The following CCBE1 variants were observed in gnomAD, a reference collection of about 807,000 sequenced individuals.
The protein encoded by CCBE1 is collagen and calcium-binding EGF domain-containing protein 1.
CCBE1 carries 37 observed loss-of-function variants against 50.0 expected under a neutral mutation model. The ratio of observed to expected loss-of-function variants is 0.74; its 90% CI spans 0.57 to 0.97. The LOEUF (loss-of-function observed/expected upper bound fraction) is 0.97. CCBE1 is among the 50% of genes least tolerant of loss of function. The pLI is 0.00. For missense variants in CCBE1, 538 were observed against 523.8 expected (o/e 1.03, Z -0.26); for synonymous variants, 234 against 203.7 (o/e 1.15, Z -1.27).
chr18:59,676,703 C>T (rs117727607), intron 2 of CCBE1, among the ~76,000 whole-genome samples: 1 of 152,160 alleles, frequency 6.6e-6, no homozygotes, highest in African/African-American at 2.4e-5. Context: ...AAAGTACAAG[C>T]AATTTTAAGT....
At chr18:59,666,275 C>T (rs1477541081) in intron 2 of CCBE1, 1 of 152,146 alleles carries the variant, frequency 6.6e-6, no homozygotes, top group Non-Finnish European at 1.5e-5. Flanking sequence ...CAATTACCTC[C>T]CACCAGATTC....
chr18:59,431,386 T>C lies in CCBE1; in HGVS notation c.*4522A>G, dbSNP rs182963415. The C allele has an allele frequency of 6.6e-6, 1 of 152,340 alleles. No homozygotes were observed. The highest frequency in any genetic ancestry group is 1.9e-4 in the East Asian group (1 of 5,196). The allele number at this position is 152,340 out of a possible 1,614,324, so 9.4% of individuals were successfully genotyped here. A position where few individuals can be genotyped will look rare whatever the true frequency, so the allele number is the denominator to read the frequency against. ...TAACTTTAGATGGCTCTATTCTACT[T>C]GTTGTTTGGCCTGGATTCCTCCAAT... On this transcript the variant is annotated 3_prime_UTR_variant, in exon 11 of 11. Coordinates refer to ENST00000439986, the MANE Select transcript of CCBE1 (RefSeq NM_133459.4).
At chr18:59,583,964 A>C (rs950230899) in intron 2 of CCBE1, among the ~76,000 whole-genome samples, 2 of 152,132 alleles carry the variant, frequency 1.3e-5, no homozygotes, top group Non-Finnish European at 2.9e-5. Context: ...GATCTAGAAC[A>C]AGAAATACCA....
chr18:59,479,858 G>A (rs1047007966), intron 3 of CCBE1, among the ~76,000 whole-genome samples: 1 of 152,230 alleles, frequency 6.6e-6, no homozygotes, highest in Non-Finnish European at 1.5e-5. Context: ...AGCAGGTAGA[G>A]AGGTCAAGGG....
At chr18:59,632,594 T>TG (rs2053863754) in intron 2 of CCBE1, among the ~76,000 whole-genome samples, 1 of 150,042 alleles carries the variant, frequency 6.7e-6, no homozygotes, top group Non-Finnish European at 1.5e-5. Context: ...TGTTTTGTAT[T>TG]GTTTTTGTTT....
At chr18:59,680,470 G>A (rs937437768) in intron 2 of CCBE1, among the ~76,000 whole-genome samples, 2 of 151,866 alleles carry the variant, frequency 1.3e-5, no homozygotes, top group Non-Finnish European at 1.5e-5. Flanking sequence ...AGGCTGAGGC[G>A]GGAGGATCAC....
At chr18:59,595,223 G>C (rs1306485400) in intron 2 of CCBE1, among the ~76,000 whole-genome samples, 2 of 145,790 alleles carry the variant, frequency 1.4e-5, no homozygotes, top group East Asian at 2.0e-4. Flanking sequence ...ACTGTTTTTT[G>C]CTTTTTTTTT....
intron 2 of CCBE1, among the ~76,000 whole-genome samples, chr18:59,549,695 T>C (rs1915843553): frequency 6.6e-6 from 1 of 152,150 alleles, no homozygotes; most frequent in African/African-American, 2.4e-5. Flanking sequence ...TGTGCTGCAG[T>C]GATATAGTAC....
chr18:59,546,330 C>T (rs1915680983), intron 2 of CCBE1, among the ~76,000 whole-genome samples: 1 of 152,236 alleles, frequency 6.6e-6, no homozygotes, highest in African/African-American at 2.4e-5. Flanking sequence ...AATCACCCCT[C>T]ATATTCACAC....
intron 2 of CCBE1, among the ~76,000 whole-genome samples, chr18:59,567,519 A>T (rs568267710): frequency 6.6e-6 from 1 of 152,318 alleles, no homozygotes; most frequent in East Asian, 1.9e-4. Context: ...GCAGACAGCG[A>T]TGGGAAGCAA....
chr18:59,446,315 G>A (rs1910667039), intron 7 of CCBE1, among the ~76,000 whole-genome samples: 1 of 152,206 alleles, frequency 6.6e-6, no homozygotes, highest in South Asian at 2.1e-4. Context: ...TCTATAGCCT[G>A]GAGTTGACTT....
Position 59,475,626 on chromosome 18 carries a change from T to C in CCBE1, c.265+4560A>G, listed in dbSNP as rs148468157. ...TGCTACCCCTTCAAGAAGCCTTCCT[T>C]GACCTCCTCAACAGAGTTTAGTTTG... On this transcript the variant is annotated intron_variant, in intron 3 of 10. Transcript: ENST00000439986. Among the ~76,000 whole-genome samples the C allele has an allele frequency of 6.4e-4, 98 of 152,336 alleles. 2 individuals are homozygous for C. The East Asian group carries it at 0.018, about 28-fold the overall frequency.
rs1910113421 is a variant in CCBE1 at position 59,435,599 on chromosome 18, G to T, written c.*309C>A. On this transcript the variant is annotated 3_prime_UTR_variant, in exon 11 of 11. Coordinates refer to ENST00000439986, the MANE Select transcript of CCBE1 (RefSeq NM_133459.4). Reference sequence around the variant, plus strand: ...TCAAGAATTTATGATTTAAGACACTGTGAGAGTACTTAAATCCAAAGTTCC... The same window carrying T: ...TCAAGAATTTATGATTTAAGACACTTTGAGAGTACTTAAATCCAAAGTTCC... 2.4e-6 allele frequency: 1 copy of T among 420,156 alleles called. No homozygotes were observed. The highest frequency in any genetic ancestry group is 3.7e-5 in the Admixed American group (1 of 27,394). The allele number at this position is 420,156 out of a possible 1,614,324, so 26.0% of individuals were successfully genotyped here.
chr18:59,544,518 T>C (rs1915607581), intron 2 of CCBE1, among the ~76,000 whole-genome samples: 1 of 152,086 alleles, frequency 6.6e-6, no homozygotes, highest in Non-Finnish European at 1.5e-5. Flanking sequence ...CACCCATGTA[T>C]TGCAGGTGCT....
chr18:59,537,754 T>C (rs1915309718), intron 2 of CCBE1, among the ~76,000 whole-genome samples: 2 of 152,318 alleles, frequency 1.3e-5, no homozygotes, highest in East Asian at 1.9e-4. Context: ...GACTCCTCCT[T>C]CTGTTTAACA....
intron 2 of CCBE1, among the ~76,000 whole-genome samples, chr18:59,616,028 A>G (rs905600477): frequency 1.3e-5 from 2 of 152,224 alleles, no homozygotes; most frequent in African/African-American, 2.4e-5. Flanking sequence ...CTGTGGTCCT[A>G]TAACAAGTTA....
chr18:59,647,957 C>T (rs1391852682), intron 2 of CCBE1, among the ~76,000 whole-genome samples: 2 of 152,140 alleles, frequency 1.3e-5, no homozygotes, highest in East Asian at 3.8e-4. Flanking sequence ...GGGAGTTTTG[C>T]ATATACTGTC....
At chr18:59,447,598 G>C (rs1476606729) in intron 7 of CCBE1, among the ~76,000 whole-genome samples, 1 of 152,216 alleles carries the variant, frequency 6.6e-6, no homozygotes, top group Non-Finnish European at 1.5e-5. Flanking sequence ...GGCTGGCTCT[G>C]AGTTGTTAGA....
At chr18:59,642,948 C>CAAAAAAAAAAAAAAAAA (rs10683687) in intron 2 of CCBE1, among the ~76,000 whole-genome samples, 1 of 94,200 alleles carries the variant, frequency 1.1e-5, no homozygotes, top group African/African-American at 4.1e-5. Context: ...GACTCCACCT[C>CAAAAAAAAAAAAAAAAA]AAAAAAAAAA....
Sources: gnomAD v4.1 joint callset for allele counts (sites outside exome capture counted in the v4.1 genomes callset) on GRCh38, gnomAD v4.1.1 for gene constraint, MANE v1.5 for transcripts, NCBI Gene and HGNC (gene_info 2026-07-23, HGNC 2026-07-21) for gene names.